Variants in PCDHGB5 observed in about 807,000 individuals in gnomAD.
PCDHGB5 encodes the protein protocadherin gamma subfamily B, 5.
PCDHGB5 carries 48 observed loss-of-function variants against 62.9 expected under a neutral mutation model. The observed-to-expected ratio is 0.76, with a 90% CI of 0.61 to 0.97. PCDHGB5 has a LOEUF of 0.97. Ranked by LOEUF, PCDHGB5 falls within the 50% of genes least tolerant of loss-of-function variation. The pLI, the probability that PCDHGB5 is intolerant of heterozygous loss-of-function variation, is 0.00. For synonymous variants in PCDHGB5, 474 were observed against 511.2 expected (o/e 0.93, Z 0.98); for missense variants, 1,118 against 1,198.6 (o/e 0.93, Z 0.99).
chr5:141,487,032 C>T lies in PCDHGB5; in HGVS notation c.2398-7775C>T. 6.2e-7 allele frequency: 1 copy of T among 1,614,210 alleles called. No individual in the cohort carries two copies. The highest frequency in any genetic ancestry group is 1.1e-5 in the South Asian group (1 of 91,084). ...GAGGCCCCAGATCCCAGCCTGTTTG[C>T]AGTCTCTCGATATGCTGGGGAGGTG... On this transcript the variant is annotated intron_variant, in intron 1 of 3. Coordinates refer to ENST00000617380, the MANE Select transcript of PCDHGB5 (RefSeq NM_018925.3). The surrounding 1 kb of genome is among the most constrained non-coding windows in gnomAD (Gnocchi z 5.0).
chr5:141,418,430 T>G (rs1331082135), intron 1 of PCDHGB5: 1 of 1,613,908 alleles, frequency 6.2e-7, no homozygotes, highest in South Asian at 1.1e-5. Flanking sequence ...TGGTGGCAAA[T>G]ATCCAGAATT....
intron 1 of PCDHGB5, chr5:141,421,405 C>T (rs2096570069): frequency 6.2e-7 from 1 of 1,614,074 alleles, no homozygotes; most frequent in African/African-American, 1.3e-5. Context: ...GCCCCGGGAG[C>T]TGGCGAAGCG....
chr5:141,398,849 T>G lies in PCDHGB5; in HGVS notation c.722T>G (p.Val241Gly). The G allele has an allele frequency of 6.2e-7, 1 of 1,613,874 alleles. No homozygotes were observed. Among genetic ancestry groups the G allele is most frequent in the Admixed American group, 1.7e-5 (1 of 60,010 alleles). The change falls in exon 1 of 4, where the codon GTA becomes GGA. Residue 241 changes from valine to glycine, a missense_variant. Val to Gly is a moderately radical substitution (Grantham distance 109, BLOSUM62 -3). This residue lies in a region of PCDHGB5 where 1,034 missense variants were observed against 1,029.1 expected (regional missense o/e 1.00). Coordinates refer to ENST00000617380, the MANE Select transcript of PCDHGB5 (RefSeq NM_018925.3). ...ACCGACGCCAATGATAATCCCCCGG[T>G]ATTCAACCGAGACGTGTACAGAGTC... is the stretch of plus-strand genomic sequence containing the variant. ...QVTDANDNPP[V>G]FNRDVYRVSL...
At chr5:141,465,887 C>A (rs1267304672) in intron 1 of PCDHGB5, among the ~76,000 whole-genome samples, 1 of 152,040 alleles carries the variant, frequency 6.6e-6, no homozygotes, top group Non-Finnish European at 1.5e-5. Flanking sequence ...CTTTGGGAGG[C>A]CGAGGCGGGC....
intron 1 of PCDHGB5, chr5:141,403,365 T>A: frequency 6.2e-7 from 1 of 1,614,024 alleles, no homozygotes; most frequent in Non-Finnish European, 8.5e-7. Context: ...GCCGAAAGTC[T>A]GGAAGTAAAA....
intron 1 of PCDHGB5, chr5:141,413,667 G>A: frequency 6.2e-7 from 1 of 1,613,836 alleles, no homozygotes; most frequent in Non-Finnish European, 8.5e-7. Flanking sequence ...CTATTGATCC[G>A]GATGTGGGCG....
rs369529373 is a variant in PCDHGB5 at position 141,458,890 on chromosome 5, C to T, written c.2398-35917C>T. Among the ~76,000 whole-genome samples, 87 of 152,160 alleles carry T rather than the reference C, an allele frequency of 5.7e-4. 1 individual carries two copies. In the South Asian group the frequency reaches 0.016, roughly 28 times the overall value. ...TGGGACTACAGGCATGCACACCATG[C>T]GCAGCTAATTTTTTCTATTTTTTGT... On this transcript the variant is annotated intron_variant, in intron 1 of 3. Coordinates refer to ENST00000617380, the MANE Select transcript of PCDHGB5 (RefSeq NM_018925.3).
In PCDHGB5 at chr5:141,398,893, C is replaced by G; in HGVS notation, c.766C>G (p.Pro256Ala). The G allele has an allele frequency of 6.2e-7, 1 of 1,613,962 alleles. No homozygotes were observed. Among genetic ancestry groups the G allele is most frequent in the Admixed American group, 1.7e-5 (1 of 60,012 alleles). ...CAGAGTCAGCCTTCGGGAAAACGTG[C>G]CACCAGGCACCACTGTGTTGCAAGT... ...VYRVSLRENV[P>A]PGTTVLQVSA... The change falls in exon 1 of 4, where the codon CCA becomes GCA. Residue 256 changes from proline (P) to alanine (A), a missense_variant. Around this residue, in one of 2 missense-constraint regions of PCDHGB5, gnomAD observed 1,034 missense variants for 1,029.1 expected, o/e 1.00. Coordinates refer to ENST00000617380, the MANE Select transcript of PCDHGB5 (RefSeq NM_018925.3).
At chr5:141,484,050 C>T (rs1262678828) in intron 1 of PCDHGB5, among the ~76,000 whole-genome samples, 1 of 151,984 alleles carries the variant, frequency 6.6e-6, no homozygotes, top group Non-Finnish European at 1.5e-5. Flanking sequence ...CAAGAGGTCC[C>T]CTGGGGCTAA....
In PCDHGB5 at chr5:141,511,173, A is replaced by T. The variant is rs1384881403; in HGVS notation, c.2772A>T (p.Ter924TyrextTer31). ...AGTCGGGCAAGAAGGAGAAGAAGTA[A>T]CATGGAGGCCAGGCCAAGAGCCACA... ...KKKSGKKEKK[*>Y] Residue 924 changes from the stop codon to tyrosine, a stop_lost, in exon 4 of 4, where the codon TAA (stop) becomes TAT (tyrosine). Coordinates refer to ENST00000617380, the MANE Select transcript of PCDHGB5 (RefSeq NM_018925.3). 6.2e-7 allele frequency: 1 copy of T among 1,614,132 alleles called. No homozygotes were observed.
Position 141,432,846 on chromosome 5 carries a change from C to T in PCDHGB5, c.2397+32322C>T, listed in dbSNP as rs1312403897. ...GACCTCACTCTGTACCTGGTGGTAGCGGTGGCCGCGGTCTCCTGCGTCTTC... is the reference window on the plus strand; with the variant it reads ...GACCTCACTCTGTACCTGGTGGTAGTGGTGGCCGCGGTCTCCTGCGTCTTC... On this transcript the variant is annotated intron_variant, in intron 1 of 3. Transcript: ENST00000617380. The surrounding 1 kb of genome is among the most constrained non-coding windows in gnomAD (Gnocchi z 6.0). 2.5e-6 allele frequency: 4 copies of T among 1,614,192 alleles called. No homozygotes were observed. The African/African-American group carries it at 5.3e-5, about 22-fold the overall frequency.
At position 141,399,380 on chromosome 5, in the gene PCDHGB5, T is replaced by A. The variant is rs1361218028; in HGVS notation, c.1253T>A (p.Ile418Asn). Residue 418 changes from isoleucine to asparagine, a missense_variant, in exon 1 of 4, where the codon ATC becomes AAC. Coordinates refer to ENST00000617380, the MANE Select transcript of PCDHGB5 (RefSeq NM_018925.3). ...REQTPEYNVTITATDRGKPPL... is the reference protein window; with the variant it reads ...REQTPEYNVTNTATDRGKPPL... ...CAAACCCCGGAGTACAATGTCACCA[T>A]CACAGCCACAGACAGGGGCAAGCCG... The A allele has an allele frequency of 3.1e-6, 5 of 1,613,820 alleles. No individual in the cohort carries two copies. Among genetic ancestry groups the A allele is most frequent in the Non-Finnish European group, 4.2e-6 (5 of 1,179,880 alleles).
At chr5:141,415,935 C>T (rs2095972319) in intron 1 of PCDHGB5, 1 of 601,888 alleles carries the variant, frequency 1.7e-6, no homozygotes, top group Non-Finnish European at 2.4e-6. Flanking sequence ...TTTATATTTC[C>T]TCCTGGGTGG....
intron 1 of PCDHGB5, chr5:141,414,197 T>C: frequency 3.1e-6 from 5 of 1,611,210 alleles, no homozygotes; most frequent in Non-Finnish European, 4.2e-6. Flanking sequence ...TTGATTACAG[T>C]AGAAGATGTA....
intron 1 of PCDHGB5, among the ~76,000 whole-genome samples, chr5:141,449,298 T>C (rs1197693931): frequency 6.6e-6 from 1 of 152,058 alleles, no homozygotes; most frequent in Non-Finnish European, 1.5e-5. Flanking sequence ...CCGGGTGAAT[T>C]ATATGTATTA....
intron 1 of PCDHGB5, among the ~76,000 whole-genome samples, chr5:141,456,287 C>T (rs951430060): frequency 1.3e-5 from 2 of 152,048 alleles, no homozygotes; most frequent in Non-Finnish European, 2.9e-5. Flanking sequence ...TGAAAAGGGG[C>T]GTCTAATGGA....
Position 141,511,303 on chromosome 5 carries a change from C to T in PCDHGB5, c.*130C>T, listed in dbSNP as rs2099883709. 2.7e-6 allele frequency: 4 copies of T among 1,490,160 alleles called. No homozygotes were observed. Among genetic ancestry groups the T allele is most frequent in the Non-Finnish European group, 3.6e-6 (4 of 1,116,196 alleles). 92.3% of individuals were successfully genotyped at this position (1,490,160 alleles called of 1,614,324 possible). ...CTGGTAGGGGCCAAGGCCATGCTCC[C>T]CTTGGGAAACAGAAACAAGTGCCCA... On this transcript the variant is annotated 3_prime_UTR_variant, in exon 4 of 4. Coordinates refer to ENST00000617380, the MANE Select transcript of PCDHGB5 (RefSeq NM_018925.3).
intron 1 of PCDHGB5, chr5:141,409,618 G>C: frequency 6.2e-7 from 1 of 1,613,894 alleles, no homozygotes; most frequent in Non-Finnish European, 8.5e-7. Context: ...CCTCCATTGC[G>C]CAAGTGAGCG....
Position 141,490,711 on chromosome 5 carries a change from T to C in PCDHGB5, c.2398-4096T>C. ...CACTGGGGATAATGCCCGCCTCACC[T>C]ACTCCATTGTAGGAAATCAGGTTCA... On this transcript the variant is annotated intron_variant, in intron 1 of 3. Transcript: ENST00000617380. The surrounding 1 kb of genome is among the most constrained non-coding windows in gnomAD (Gnocchi z 5.4). The C allele has an allele frequency of 6.2e-7, 1 of 1,614,200 alleles. No individual in the cohort carries two copies. Among genetic ancestry groups the C allele is most frequent in the Non-Finnish European group, 8.5e-7 (1 of 1,180,002 alleles).
Sources: gnomAD v4.1 joint callset for allele counts (sites outside exome capture counted in the v4.1 genomes callset) on GRCh38, gnomAD v4.1.1 for gene constraint, gnomAD v4.1.1 regional missense constraint, Gnocchi (gnomAD v3.1) non-coding constraint, MANE v1.5 for transcripts, NCBI Gene and HGNC (gene_info 2026-07-23, HGNC 2026-07-21) for gene names.